The following ACACA variants were observed in gnomAD, a reference collection of about 807,000 sequenced individuals.
ACACA encodes acetyl-CoA carboxylase 1.
A neutral mutation model predicts 296.1 loss-of-function variants in ACACA; 103 were observed. The observed-to-expected ratio is 0.35, with a 90% CI of 0.30 to 0.41. ACACA has a LOEUF of 0.41. ACACA is among the 10% of genes least tolerant of loss of function. The pLI is 1.00. For missense variants in ACACA, 1,554 were observed against 2,989.7 expected (o/e 0.52, Z 11.20); for synonymous variants, 953 against 1,038.6 (o/e 0.92, Z 1.58).
intron 3 of ACACA, among the ~76,000 whole-genome samples, chr17:37,306,100 G>C (rs2083873264): frequency 6.6e-6 from 1 of 151,886 alleles, no homozygotes; most frequent in Non-Finnish European, 1.5e-5. Flanking sequence ...AGTAGAGAAG[G>C]GGTTTCACCG....
intron 52 of ACACA, among the ~76,000 whole-genome samples, chr17:37,102,199 CTT>C (rs35050543): frequency 9.4e-5 from 10 of 106,078 alleles, no homozygotes; most frequent in Admixed American, 1.1e-4. Flanking sequence ...GCATCCAGCT[CTT>C]TTTTTTTTTT....
chr17:37,172,462 C>T (rs1231287498), intron 41 of ACACA, among the ~76,000 whole-genome samples: 1 of 152,062 alleles, frequency 6.6e-6, no homozygotes, highest in Non-Finnish European at 1.5e-5. Flanking sequence ...ACTTATTTTT[C>T]AAAATTAGCC....
At position 37,279,194 on chromosome 17, in the gene ACACA, T is replaced by TA. The variant is rs547906302; in HGVS notation, c.611-1190dup. On this transcript the variant is annotated intron_variant, in intron 5 of 55. Coordinates refer to ENST00000616317, the MANE Select transcript of ACACA (RefSeq NM_198834.3). ...TTTCTAAAAGATTTTAAGTCCCTTC[T>TA]AAAAAAAATTCTACTAAAAAAAATT... Among the ~76,000 whole-genome samples the TA allele has an allele frequency of 1.7e-3, 263 of 152,138 alleles. 1 individual carries two copies. The highest frequency in any genetic ancestry group is 6.0e-3 in the African/African-American group (249 of 41,516).
At chr17:37,390,334 A>AT (rs2050822111) in intron 1 of ACACA, among the ~76,000 whole-genome samples, 5 of 93,420 alleles carry the variant, frequency 5.4e-5, no homozygotes, top group South Asian at 3.1e-4. Context: ...ATATATATAT[A>AT]AAAGGCCAGC....
At chr17:37,255,831 C>T (rs574639499) in intron 14 of ACACA, among the ~76,000 whole-genome samples, 35 of 152,304 alleles carry the variant, frequency 2.3e-4, no homozygotes, top group African/African-American at 7.9e-4. Flanking sequence ...ACTGCAACCT[C>T]AGCCTCCTGG....
At chr17:37,295,879 C>T (rs1029951374) in intron 3 of ACACA, among the ~76,000 whole-genome samples, 17 of 151,952 alleles carry the variant, frequency 1.1e-4, no homozygotes, top group African/African-American at 4.8e-5. Flanking sequence ...GAGCCAAGAT[C>T]GCACCACTGC....
At chr17:37,281,404 ATC>A (rs2082525520) in intron 5 of ACACA, among the ~76,000 whole-genome samples, 1 of 152,094 alleles carries the variant, frequency 6.6e-6, no homozygotes, top group African/African-American at 2.4e-5. Context: ...TAGATGTCTC[ATC>A]TCTGTGTTCT....
chr17:37,287,674 C>T lies in ACACA; in HGVS notation c.339-2704G>A, dbSNP rs887757763. Among the ~76,000 whole-genome samples the T allele has an allele frequency of 3.3e-5, 5 of 150,122 alleles. 1 individual carries two copies. In the South Asian group the frequency reaches 8.5e-4, roughly 26 times the overall value. On this transcript the variant is annotated intron_variant, in intron 3 of 55. Transcript: ENST00000616317. ...GGGAGAATCACTTGAACCCAGGGGG[C>T]GGAGGTTGCAGTGAGCAGAGATCAA...
At chr17:37,361,563 G>A (rs1390030839) in intron 1 of ACACA, among the ~76,000 whole-genome samples, 3 of 152,144 alleles carry the variant, frequency 2.0e-5, no homozygotes, top group Non-Finnish European at 2.9e-5. Context: ...GATGAGTTAC[G>A]ATACCAAGGT....
intron 5 of ACACA, among the ~76,000 whole-genome samples, chr17:37,282,688 A>G (rs2082595232): frequency 6.6e-6 from 1 of 152,214 alleles, no homozygotes; most frequent in African/African-American, 2.4e-5. Context: ...ACCTTAAGAG[A>G]TTATACCTTA....
At chr17:37,140,414 C>T (rs760434702) in intron 45 of ACACA, among the ~76,000 whole-genome samples, 6 of 151,912 alleles carry the variant, frequency 3.9e-5, no homozygotes, top group African/African-American at 7.3e-5. Context: ...TTTAAAAATT[C>T]CCCACCTCCT....
At chr17:37,344,966 C>A (rs78644220) in intron 1 of ACACA, among the ~76,000 whole-genome samples, 236 of 152,198 alleles carry the variant, frequency 1.6e-3, no homozygotes, top group African/African-American at 5.4e-3. Flanking sequence ...TTGGGGGATA[C>A]CAGCAACAGT....
intron 47 of ACACA, 125 bp downstream of exon 47, chr17:37,129,240 T>G: frequency 7.4e-7 from 1 of 1,350,880 alleles, no homozygotes; most frequent in South Asian, 1.2e-5. Context: ...CAGGTCTTTC[T>G]CATTTCTAGG....
At position 37,258,317 on chromosome 17, in the gene ACACA, T is replaced by C; in HGVS notation, c.1557A>G (p.Val519=). 7 of 1,614,104 alleles carry C rather than the reference T, an allele frequency of 4.3e-6. No individual in the cohort carries two copies. The highest frequency in any genetic ancestry group is 5.9e-6 in the Non-Finnish European group (7 of 1,179,974). Residue 519 remains valine, a synonymous_variant, in exon 13 of 56, where the codon GTA becomes GTG. Transcript: ENST00000616317. ...CAATGGGAGAATCACCCCAGGGAGA[T>C]ACCCCATACATCATACGGATATCCT... ...RIKDIRMMYG[V]SPWGDSPIDF... is the part of the protein sequence containing the mutation.
intron 41 of ACACA, among the ~76,000 whole-genome samples, chr17:37,165,674 A>AT (rs2076637744): frequency 7.2e-6 from 1 of 138,436 alleles, no homozygotes; most frequent in Non-Finnish European, 1.5e-5. Flanking sequence ...CTGTGTAGAG[A>AT]ATTTTTTTTT....
chr17:37,278,035 A>T, intron 5 of ACACA, 30 bp from the exon 6 acceptor site: 1 of 1,550,076 alleles, frequency 6.5e-7, no homozygotes, highest in Non-Finnish European at 8.9e-7. Flanking sequence ...AATAGAGAAC[A>T]CATGATTTTT....
chr17:37,347,384 T>C (rs1179388529), intron 1 of ACACA, among the ~76,000 whole-genome samples: 3 of 152,114 alleles, frequency 2.0e-5, no homozygotes, highest in East Asian at 1.9e-4. Context: ...AACAGACTAA[T>C]ACAAGGGCTC....
At chr17:37,116,158 A>C (rs968534203) in intron 50 of ACACA, among the ~76,000 whole-genome samples, 1 of 151,696 alleles carries the variant, frequency 6.6e-6, no homozygotes, top group African/African-American at 2.4e-5. Context: ...ATGCGCAGCT[A>C]ATTTTTGTAT....
chr17:37,376,224 C>T (rs1434917352), intron 1 of ACACA: 5 of 1,260,532 alleles, frequency 4.0e-6, no homozygotes, highest in Non-Finnish European at 5.8e-6. Context: ...GTCTCTTCCA[C>T]CAGATAGAGA....
Sources: allele counts gnomAD v4.1 joint callset (sites outside exome capture counted in the v4.1 genomes callset), GRCh38; gene constraint gnomAD v4.1.1; transcripts MANE v1.5; gene names NCBI Gene and HGNC (gene_info 2026-07-23, HGNC 2026-07-21).